The following SPATA45 variants were observed in gnomAD, a reference collection of about 807,000 sequenced individuals.
The protein encoded by SPATA45 is spermatogenesis associated 45, also known as spermatogenesis-associated protein 45.
In SPATA45, 5 loss-of-function variants were observed where a neutral mutation model predicts 7.0. That is an observed-to-expected ratio of 0.71 (90% CI 0.37 to 1.50). The LOEUF (loss-of-function observed/expected upper bound fraction) is 1.50, where lower values mean the gene tolerates loss of function less well. Ranked by LOEUF, SPATA45 falls within the 40% of genes most tolerant of loss-of-function variation. SPATA45 has a pLI of 0.03. For missense variants in SPATA45, 111 were observed against 114.9 expected (o/e 0.97, Z 0.16); for synonymous variants, 40 against 38.7 (o/e 1.03, Z -0.13).
At chr1:212,840,849 A>T (rs183895796) in intron 1 of SPATA45, among the ~76,000 whole-genome samples, 385 of 151,436 alleles carry the variant, frequency 2.5e-3, no homozygotes, top group Middle Eastern at 0.01. Context: ...CGATCTCCTG[A>T]CCTCTTGATC....
At chr1:212,835,053 G>C (rs957330837) in intron 2 of SPATA45, among the ~76,000 whole-genome samples, 1 of 151,532 alleles carries the variant, frequency 6.6e-6, no homozygotes, top group East Asian at 1.9e-4. Flanking sequence ...TAAAAAAAGA[G>C]AGTCTCTGGT....
At chr1:212,838,063 G>A (rs1347416149) in intron 1 of SPATA45, among the ~76,000 whole-genome samples, 1 of 151,572 alleles carries the variant, frequency 6.6e-6, no homozygotes, top group Non-Finnish European at 1.5e-5. Flanking sequence ...CACTTTGGGA[G>A]GCCGAGGTGT....
intron 1 of SPATA45, among the ~76,000 whole-genome samples, chr1:212,842,538 G>A (rs1296499097): frequency 6.6e-6 from 1 of 152,260 alleles, no homozygotes; most frequent in Admixed American, 6.5e-5. Context: ...AATAGACACA[G>A]TAATAGAGTC....
chr1:212,845,588 G>A (rs966921523), intron 1 of SPATA45, among the ~76,000 whole-genome samples: 1 of 151,916 alleles, frequency 6.6e-6, no homozygotes, highest in South Asian at 2.1e-4. Context: ...ACCTCAAATC[G>A]CCACCCTTAA....
intron 1 of SPATA45, 118 bp from the exon 2 acceptor site, chr1:212,836,305 A>T: frequency 1.4e-6 from 1 of 739,656 alleles, no homozygotes; most frequent in South Asian, 1.9e-5. Flanking sequence ...AACCACCACC[A>T]AGCCTCCCAC....
At chr1:212,846,043 T>G (rs1663786817) in intron 1 of SPATA45, among the ~76,000 whole-genome samples, 1 of 152,204 alleles carries the variant, frequency 6.6e-6, no homozygotes, top group Admixed American at 6.5e-5. Flanking sequence ...TCCCAATTCT[T>G]AGTCCTTTAA....
intron 1 of SPATA45, among the ~76,000 whole-genome samples, chr1:212,838,160 C>G (rs566140458): frequency 6.6e-6 from 1 of 151,562 alleles, no homozygotes; most frequent in South Asian, 2.1e-4. Context: ...AAAAAATTAA[C>G]CGGGCATGGT....
chr1:212,844,180 C>T (rs987712326), intron 1 of SPATA45, among the ~76,000 whole-genome samples: 2 of 152,162 alleles, frequency 1.3e-5, no homozygotes, highest in Non-Finnish European at 2.9e-5. Context: ...TTTAGCTTAG[C>T]CCTCATGTCT....
Position 212,836,012 on chromosome 1 carries a change from A to G in SPATA45, c.138T>C (p.Val46=), listed in dbSNP as rs1202139917. Residue 46 remains valine, a synonymous_variant, in exon 2 of 3, where the codon GTT becomes GTC. Coordinates refer to ENST00000332912, the MANE Select transcript of SPATA45 (RefSeq NM_001024601.3). The part of the protein sequence containing the change: ...ERSNQVSLLR[V]QKRHFPDAYQ... The stretch of plus-strand genomic sequence containing the variant: ...AGGCATCCGGGAAGTGCCTCTTTTG[A>G]ACTCTCAGTAAGCTGACTTGATTGC... 2 of 1,611,424 alleles carry G rather than the reference A, an allele frequency of 1.2e-6. No individual in the cohort carries two copies. The highest frequency in any genetic ancestry group is 8.5e-7 in the Non-Finnish European group (1 of 1,178,072).
At chr1:212,836,318 C>G (rs1425382236) in intron 1 of SPATA45, 131 bp from the exon 2 acceptor site, 4 of 673,364 alleles carry the variant, frequency 5.9e-6, no homozygotes, top group East Asian at 5.6e-5. Flanking sequence ...CCTCCCACCC[C>G]ACGCTTCACT....
intron 1 of SPATA45, among the ~76,000 whole-genome samples, chr1:212,844,025 G>T (rs755913120): frequency 6.6e-6 from 1 of 152,144 alleles, no homozygotes; most frequent in Non-Finnish European, 1.5e-5. Context: ...AGCCCTAAAA[G>T]CTGCTCCCAC....
intron 1 of SPATA45, among the ~76,000 whole-genome samples, chr1:212,839,178 A>G (rs1479112541): frequency 1.4e-5 from 2 of 147,976 alleles, no homozygotes; most frequent in East Asian, 3.9e-4. Flanking sequence ...TAATTCATCA[A>G]TATATATTTT....
chr1:212,840,965 G>A (rs578236578), intron 1 of SPATA45, among the ~76,000 whole-genome samples: 59 of 151,696 alleles, frequency 3.9e-4, no homozygotes, highest in African/African-American at 1.4e-3. Flanking sequence ...TTTTTGAGGC[G>A]GAGTCTCTCT....
At chr1:212,842,574 T>TA (rs1426709058) in intron 1 of SPATA45, among the ~76,000 whole-genome samples, 1 of 152,184 alleles carries the variant, frequency 6.6e-6, no homozygotes, top group African/African-American at 2.4e-5. Context: ...ATTTTTTAAG[T>TA]AAAAAAGATT....
At chr1:212,847,320 C>T (rs939659682) in intron 1 of SPATA45, among the ~76,000 whole-genome samples, 3 of 152,114 alleles carry the variant, frequency 2.0e-5, no homozygotes, top group Admixed American at 6.6e-5. Context: ...GTAGCACTAG[C>T]CTGGGAAAAA....
intron 1 of SPATA45, among the ~76,000 whole-genome samples, chr1:212,843,005 G>A (rs556652256): frequency 6.6e-6 from 1 of 152,174 alleles, no homozygotes; most frequent in South Asian, 2.1e-4. Context: ...GGTGAGGCAG[G>A]AGAATGGTGT....
At chr1:212,842,462 C>T (rs1241682932) in intron 1 of SPATA45, among the ~76,000 whole-genome samples, 1 of 152,120 alleles carries the variant, frequency 6.6e-6, no homozygotes, top group Admixed American at 6.6e-5. Flanking sequence ...TAAAAGTTCA[C>T]CATGAAGTTC....
At chr1:212,838,442 G>C (rs1663626798) in intron 1 of SPATA45, among the ~76,000 whole-genome samples, 1 of 151,646 alleles carries the variant, frequency 6.6e-6, no homozygotes, top group East Asian at 1.9e-4. Flanking sequence ...CAAAGATATG[G>C]AGGACCTGGA....
intron 1 of SPATA45, among the ~76,000 whole-genome samples, chr1:212,837,277 C>T (rs1413291426): frequency 1.3e-5 from 2 of 148,754 alleles, no homozygotes; most frequent in African/African-American, 2.4e-5. Flanking sequence ...ACTCTCGATC[C>T]AGAGACATCC....
Sources: allele counts gnomAD v4.1 joint callset (sites outside exome capture counted in the v4.1 genomes callset), GRCh38; gene constraint gnomAD v4.1.1; transcripts MANE v1.5; gene names NCBI Gene and HGNC (gene_info 2026-07-23, HGNC 2026-07-21).